Variants in STARD13 observed in about 807,000 individuals in gnomAD.
STARD13 encodes stAR-related lipid transfer protein 13.
Under a neutral mutation model 106.4 loss-of-function variants are expected in STARD13, and 62 were observed. The observed-to-expected ratio is 0.58, with a 90% CI of 0.48 to 0.72. STARD13 has a LOEUF of 0.72. Among genes scored for constraint, STARD13 ranks in the 30% least tolerant of loss-of-function variants. The pLI, the probability that STARD13 is intolerant of heterozygous loss-of-function variation, is 0.00. For missense variants in STARD13, 1,387 were observed against 1,424.0 expected (o/e 0.97, Z 0.42); for synonymous variants, 565 against 553.0 (o/e 1.02, Z -0.31).
At chr13:33,499,604 T>TTCCTTCTTCTTCTTCTTCTTCTTCTTC in the STARD13 span, among the ~76,000 whole-genome samples, 13 of 39,896 alleles carry the variant, frequency 3.3e-4, 2 homozygotes, top group African/African-American at 1.1e-3. Context: ...CTTCTTCTTC[T>TTCCTTCTTCTTCTTCTTCTTCTTCTTC]TTCTTCTTCT....
At chr13:33,484,799 C>G in the STARD13 span, among the ~76,000 whole-genome samples, 1 of 152,110 alleles carries the variant, frequency 6.6e-6, no homozygotes, top group Admixed American at 6.6e-5. Context: ...TAGTCATTTC[C>G]AAGTATGGGA....
intron 4 of STARD13, among the ~76,000 whole-genome samples, chr13:33,137,781 C>T (rs1258754048): frequency 1.3e-5 from 2 of 152,192 alleles, no homozygotes; most frequent in East Asian, 1.9e-4. Context: ...TTAGGACATT[C>T]GCATGTAATT....
the STARD13 span, among the ~76,000 whole-genome samples, chr13:33,581,950 G>A: frequency 6.6e-6 from 1 of 152,112 alleles, no homozygotes; most frequent in East Asian, 1.9e-4. Flanking sequence ...GATGAAAATG[G>A]TGGCTCATGC....
At chr13:33,551,293 G>A in the STARD13 span, among the ~76,000 whole-genome samples, 2 of 152,316 alleles carry the variant, frequency 1.3e-5, no homozygotes, top group African/African-American at 4.8e-5. Flanking sequence ...GAGACATTAA[G>A]TAAACTGTGT....
At chr13:33,520,705 T>A in the STARD13 span, among the ~76,000 whole-genome samples, 1 of 152,046 alleles carries the variant, frequency 6.6e-6, no homozygotes, top group Non-Finnish European at 1.5e-5. Context: ...CCAAAAATCC[T>A]TGGAACTTCC....
chr13:33,634,785 G>A, the STARD13 span, among the ~76,000 whole-genome samples: 1 of 152,174 alleles, frequency 6.6e-6, no homozygotes, highest in Non-Finnish European at 1.5e-5. Context: ...CACTGACAGA[G>A]AGAAAAACAA....
At chr13:33,412,853 C>T in the STARD13 span, among the ~76,000 whole-genome samples, 2 of 152,194 alleles carry the variant, frequency 1.3e-5, no homozygotes, top group South Asian at 2.1e-4. Context: ...GGCAAATCTA[C>T]AATTATAACT....
upstream of STARD13, among the ~76,000 whole-genome samples, chr13:33,351,452 T>C (rs1421890530): frequency 6.6e-6 from 1 of 152,218 alleles, no homozygotes; most frequent in Non-Finnish European, 1.5e-5. Context: ...ACATCATCAC[T>C]GAAGTCCAAG....
chr13:33,456,793 G>C, the STARD13 span, among the ~76,000 whole-genome samples: 3 of 152,194 alleles, frequency 2.0e-5, no homozygotes, highest in Non-Finnish European at 4.4e-5. Context: ...CCAGAAAGCA[G>C]GCACTGAATT....
At chr13:33,507,975 C>A in the STARD13 span, among the ~76,000 whole-genome samples, 2 of 151,990 alleles carry the variant, frequency 1.3e-5, no homozygotes, top group East Asian at 1.9e-4. Context: ...AAAATCCACA[C>A]GTAAGTGGGC....
At chr13:33,373,086 G>A in the STARD13 span, among the ~76,000 whole-genome samples, 56 of 152,172 alleles carry the variant, frequency 3.7e-4, 1 homozygote, top group Non-Finnish European at 7.5e-4. Flanking sequence ...GAATTTAAAT[G>A]TTCCTCCAAC....
chr13:33,157,723 T>G (rs1882156266), intron 3 of STARD13, among the ~76,000 whole-genome samples: 2 of 152,186 alleles, frequency 1.3e-5, no homozygotes, highest in Admixed American at 1.3e-4. Context: ...ATCGGGGCTG[T>G]ATGTCAGCAG....
intron 8 of STARD13, among the ~76,000 whole-genome samples, chr13:33,114,454 C>T (rs1358834064): frequency 6.6e-6 from 1 of 152,196 alleles, no homozygotes; most frequent in Non-Finnish European, 1.5e-5. Flanking sequence ...TCTCCACTCC[C>T]ACCATGTCCA....
chr13:33,343,338 G>T (rs192835781), intron 1 of STARD13, among the ~76,000 whole-genome samples: 4 of 151,498 alleles, frequency 2.6e-5, no homozygotes, highest in African/African-American at 4.8e-5. Context: ...ACCTTGGGAG[G>T]TGGAGGTGGG....
intron 1 of STARD13, chr13:33,281,718 A>C (rs1179869762): frequency 6.6e-6 from 1 of 152,242 alleles, no homozygotes; most frequent in African/African-American, 2.4e-5. Flanking sequence ...GAAATAAGCC[A>C]GTCACACAAA....
intron 1 of STARD13, among the ~76,000 whole-genome samples, chr13:33,211,546 T>C (rs1035148117): frequency 6.6e-6 from 1 of 152,190 alleles, no homozygotes; most frequent in African/African-American, 2.4e-5. Context: ...CTCAAGTCCC[T>C]GATTCAAAGT....
chr13:33,528,947 C>CA, the STARD13 span, among the ~76,000 whole-genome samples: 1 of 152,130 alleles, frequency 6.6e-6, no homozygotes. Flanking sequence ...CTTAACCTCC[C>CA]AATGCCTCTG....
At chr13:33,556,881 G>A in the STARD13 span, among the ~76,000 whole-genome samples, 6 of 152,214 alleles carry the variant, frequency 3.9e-5, no homozygotes, top group East Asian at 1.2e-3. Context: ...AGCCTCCCAA[G>A]TAGCTGGGAC....
the STARD13 span, among the ~76,000 whole-genome samples, chr13:33,360,997 A>G: frequency 7.0e-6 from 1 of 142,192 alleles, no homozygotes; most frequent in Non-Finnish European, 1.5e-5. Flanking sequence ...TAGTAGAGAC[A>G]GGTTTTCACC....
Sources: allele counts gnomAD v4.1 joint callset (sites outside exome capture counted in the v4.1 genomes callset), GRCh38; gene constraint gnomAD v4.1.1; transcripts MANE v1.5; gene names NCBI Gene and HGNC (gene_info 2026-07-23, HGNC 2026-07-21).